SURF4: variants seen among roughly 807,000 people sequenced by gnomAD.
SURF4 encodes surfeit 4.
A neutral mutation model predicts 30.0 loss-of-function variants in SURF4; 3 were observed. The ratio of observed to expected loss-of-function variants is 0.10; its 90% CI spans 0.05 to 0.26. The LOEUF is 0.26. Among genes scored for constraint, SURF4 ranks in the 10% least tolerant of loss-of-function variants. The pLI, the probability that SURF4 is intolerant of heterozygous loss-of-function variation, is 1.00. For synonymous variants in SURF4, 143 were observed against 139.9 expected, an observed-to-expected ratio of 1.02 and a Z score of -0.16; for missense variants, 217 against 350.8, an observed-to-expected ratio of 0.62 and a Z score of 3.05.
At chr9:133,368,917 G>A (rs1179035) in intron 1 of SURF4, among the ~76,000 whole-genome samples, 2 of 152,346 alleles carry the variant, frequency 1.3e-5, no homozygotes, top group Non-Finnish European at 2.9e-5. Context: ...CACGGGAGGC[G>A]AGCGAACGTC....
At chr9:133,376,186 C>T, upstream of SURF4, 1 of 1,249,840 alleles carries the variant, frequency 8.0e-7, no homozygotes, top group African/African-American at 1.6e-5. Context: ...ACGCGCCATC[C>T]CCAGCCTCCC....
chr9:133,365,080 C>T, intron 4 of SURF4, 54 bp from the exon 5 acceptor site: 1 of 1,445,510 alleles, frequency 6.9e-7, no homozygotes, highest in Non-Finnish European at 9.2e-7. Context: ...TCTGGCCTGT[C>T]TGTGAGACCA....
chr9:133,376,408 G>C (rs1837946703), upstream of SURF4: 1 of 1,467,400 alleles, frequency 6.8e-7, no homozygotes, highest in African/African-American at 1.5e-5. Flanking sequence ...GATCCCGCGG[G>C]TCCCACTGAC....
rs2130073130 is a variant in SURF4, at chr9:133,362,303, T to TA, written c.*1189dup. ...CAGACGACAGGGAGCAACAAGCAGT[T>TA]AAGCTCCCCCAAAAAGAGAAACACA... On this transcript the variant is annotated 3_prime_UTR_variant, in exon 6 of 6. Transcript: ENST00000371989. The TA allele has an allele frequency of 3.9e-5, 6 of 152,558 alleles. No individual in the cohort carries two copies. The highest frequency in any genetic ancestry group is 8.8e-5 in the Non-Finnish European group (6 of 68,028). 9.5% of individuals were successfully genotyped at this position (152,558 alleles called of 1,614,324 possible). A position where few individuals can be genotyped will look rare whatever the true frequency, so the allele number is the denominator to read the frequency against.
At chr9:133,374,654 G>A (rs1043740792) in intron 1 of SURF4, among the ~76,000 whole-genome samples, 4 of 152,200 alleles carry the variant, frequency 2.6e-5, no homozygotes, top group Non-Finnish European at 5.9e-5. Flanking sequence ...GCTTCGTCAA[G>A]TTGATTACTT....
At chr9:133,369,416 TGA>T (rs2130169397) in intron 1 of SURF4, among the ~76,000 whole-genome samples, 1 of 152,192 alleles carries the variant, frequency 6.6e-6, no homozygotes, top group Non-Finnish European at 1.5e-5. Flanking sequence ...GTTACTTTTT[TGA>T]GAGTGTCTCT....
At chr9:133,368,196 G>A (rs2130155145) in intron 1 of SURF4, among the ~76,000 whole-genome samples, 13 of 152,242 alleles carry the variant, frequency 8.5e-5, no homozygotes, top group Non-Finnish European at 1.9e-4. Flanking sequence ...CAAGGGCCTG[G>A]ACCTCCCAGC....
intron 1 of SURF4, chr9:133,375,345 G>A (rs1837824518): frequency 1.0e-6 from 1 of 981,910 alleles, no homozygotes; most frequent in African/African-American, 1.8e-5. Context: ...AAACGGGGAG[G>A]GAGACGCAGA....
intron 1 of SURF4, among the ~76,000 whole-genome samples, chr9:133,373,646 G>A (rs1351727483): frequency 6.6e-6 from 1 of 151,758 alleles, no homozygotes; most frequent in Non-Finnish European, 1.5e-5. Flanking sequence ...GGCAGGGCAG[G>A]GTGGCTCACG....
Position 133,375,916 on chromosome 9 carries a change from C to T in SURF4, c.48+6G>A. 1 of 1,226,732 alleles carries T rather than the reference C, an allele frequency of 8.2e-7. No homozygotes were observed. Among genetic ancestry groups the T allele is most frequent in the Non-Finnish European group, 1.0e-6 (1 of 981,402 alleles). 76.0% of individuals were successfully genotyped at this position (1,226,732 alleles called of 1,614,324 possible). The stretch of plus-strand genomic sequence containing the variant: ...CGGGGCCGGGGGAGGAGCCCGCAGG[C>T]CGCACCTGGTCGGCGAAGTCCTCGG... On this transcript the variant is annotated splice_donor_region_variant and intron_variant, in intron 1 of 5. Coordinates refer to ENST00000371989, the MANE Select transcript of SURF4 (RefSeq NM_033161.4).
chr9:133,367,474 G>T, intron 1 of SURF4, 29 bp from the exon 2 acceptor site: 16 of 1,610,532 alleles, frequency 9.9e-6, no homozygotes, highest in South Asian at 1.1e-5. Flanking sequence ...CCAAGGGTGA[G>T]GTGGCTGCGG....
upstream of SURF4, chr9:133,376,532 C>A (rs1372293123): frequency 6.2e-7 from 1 of 1,600,542 alleles, no homozygotes; most frequent in Non-Finnish European, 8.5e-7. Flanking sequence ...GGCCCAGGGT[C>A]CCCCGGAGAG....
chr9:133,365,017 G>A lies in SURF4; in HGVS notation c.366C>T (p.Ala122=), dbSNP rs2130112827. 2 of 1,564,080 alleles carry A rather than the reference G, an allele frequency of 1.3e-6. No individual in the cohort carries two copies. Among genetic ancestry groups the A allele is most frequent in the Admixed American group, 3.7e-5 (2 of 53,692 alleles). ...GGAGCAGCAACAGGCCTCCTCCCAG[G>A]GCCAGGTTCCTGAGGAACAGATATG... is the stretch of plus-strand genomic sequence containing the variant. ...WDLKFLMRNL[A]LGGGLLLLLA... The change falls in exon 5 of 6, where the codon GCC becomes GCT. Residue 122 remains alanine, a synonymous_variant. Coordinates refer to ENST00000371989, the MANE Select transcript of SURF4 (RefSeq NM_033161.4).
intron 3 of SURF4, 82 bp downstream of exon 3, chr9:133,366,517 C>A (rs1564363184): frequency 1.6e-5 from 23 of 1,480,156 alleles, no homozygotes; most frequent in Non-Finnish European, 2.1e-5. Context: ...GGGAGTGACA[C>A]TGAACCCTCA....
intron 1 of SURF4, among the ~76,000 whole-genome samples, chr9:133,375,721 C>G (rs1390064042): frequency 6.6e-6 from 1 of 152,026 alleles, no homozygotes; most frequent in Non-Finnish European, 1.5e-5. Context: ...AGCGGCCCAG[C>G]GGGCAGGGGA....
At position 133,363,952 on chromosome 9, in the gene SURF4, TGA is replaced by T; in HGVS notation, c.544-195_544-194del. ...GCAGGAGGCAATAAAGCACCAGCTT[TGA>T]AATGTGGAAGGTTTGGGGAAGACTG... On this transcript the variant is annotated intron_variant, in intron 5 of 5. Transcript: ENST00000371989. This position sits in a 1 kb window ranked among gnomAD's most constrained non-coding sequence, Gnocchi z 4.3. 2 of 750,280 alleles carry T rather than the reference TGA, an allele frequency of 2.7e-6. No individual in the cohort carries two copies. Among genetic ancestry groups the T allele is most frequent in the South Asian group, 1.5e-5 (1 of 68,154 alleles). 46.5% of individuals were successfully genotyped at this position (750,280 alleles called of 1,614,324 possible). A position where few individuals can be genotyped will look rare whatever the true frequency, so the allele number is the denominator to read the frequency against.
At chr9:133,371,056 A>G (rs1340821428) in intron 1 of SURF4, 4 of 1,252,118 alleles carry the variant, frequency 3.2e-6, no homozygotes, top group Non-Finnish European at 3.1e-6. Flanking sequence ...ATCCACCCTG[A>G]GATGACTTCC....
At chr9:133,376,318 G>A (rs1402050947), upstream of SURF4, 11 of 1,356,598 alleles carry the variant, frequency 8.1e-6, no homozygotes, top group Non-Finnish European at 1.0e-5. Flanking sequence ...TCCCTTTTAA[G>A]GGGGCGGGGA....
At chr9:133,373,703 AG>A (rs1837645335) in intron 1 of SURF4, among the ~76,000 whole-genome samples, 1 of 151,728 alleles carries the variant, frequency 6.6e-6, no homozygotes, top group East Asian at 2.0e-4. Context: ...GGACCACCTG[AG>A]GTCGGGAGTT....
Sources: gnomAD v4.1 joint callset for allele counts (sites outside exome capture counted in the v4.1 genomes callset) on GRCh38, gnomAD v4.1.1 for gene constraint, Gnocchi (gnomAD v3.1) non-coding constraint, MANE v1.5 for transcripts, NCBI Gene and HGNC (gene_info 2026-07-23, HGNC 2026-07-21) for gene names.